The following EXOC6B variants were observed in gnomAD, a reference collection of about 807,000 sequenced individuals.
EXOC6B encodes exocyst complex component 6B, also known as SEC15 homolog B.
Under a neutral mutation model 113.5 loss-of-function variants are expected in EXOC6B, and 54 were observed. The observed-to-expected ratio is 0.48, with a 90% CI of 0.38 to 0.60. The LOEUF (loss-of-function observed/expected upper bound fraction) is 0.60, where lower values mean the gene tolerates loss of function less well. EXOC6B is among the 20% of genes least tolerant of loss of function. The pLI is 0.00. For missense variants in EXOC6B, 797 were observed against 977.5 expected (o/e 0.82, Z 2.46); for synonymous variants, 357 against 339.0 (o/e 1.05, Z -0.58).
chr2:72,595,937 G>A (rs954274664), intron 6 of EXOC6B, among the ~76,000 whole-genome samples: 4 of 152,088 alleles, frequency 2.6e-5, no homozygotes, highest in Admixed American at 1.3e-4. Context: ...AGCCTAGAAA[G>A]ATTCCTGAAC....
chr2:72,264,254 C>T (rs1187466808), intron 20 of EXOC6B, among the ~76,000 whole-genome samples: 1 of 152,066 alleles, frequency 6.6e-6, no homozygotes, highest in Non-Finnish European at 1.5e-5. Context: ...ACACTATTCC[C>T]AACTTTCTTC....
At chr2:72,406,153 C>A (rs185596821) in intron 18 of EXOC6B, among the ~76,000 whole-genome samples, 1 of 152,326 alleles carries the variant, frequency 6.6e-6, no homozygotes, top group African/African-American at 2.4e-5. Context: ...GAAGAGCTCA[C>A]TATCCTAAAT....
chr2:72,803,019 A>C (rs1454703982), intron 1 of EXOC6B, among the ~76,000 whole-genome samples: 1 of 151,904 alleles, frequency 6.6e-6, no homozygotes, highest in Non-Finnish European at 1.5e-5. Flanking sequence ...ACCAATTTAA[A>C]CTCCTCTTGG....
At chr2:72,465,116 A>C (rs1006797461) in intron 18 of EXOC6B, 44 bp downstream of exon 18, 1 of 1,460,264 alleles carries the variant, frequency 6.8e-7, no homozygotes, top group East Asian at 2.5e-5. Context: ...ATTATAAGGA[A>C]ATCTTTTTAT....
At chr2:72,465,470 T>C (rs1448930430) in intron 17 of EXOC6B, 131 bp from the exon 18 acceptor site, 1 of 664,964 alleles carries the variant, frequency 1.5e-6, no homozygotes, top group Admixed American at 3.5e-5. Context: ...GCCATACATA[T>C]CACAGTCTTC....
At chr2:72,718,817 G>C (rs1679807705) in intron 5 of EXOC6B, among the ~76,000 whole-genome samples, 1 of 152,192 alleles carries the variant, frequency 6.6e-6, no homozygotes, top group Non-Finnish European at 1.5e-5. Context: ...GTGCACTCCA[G>C]CCTAGAGGAC....
intron 6 of EXOC6B, among the ~76,000 whole-genome samples, chr2:72,623,294 C>T (rs1671857732): frequency 6.6e-6 from 1 of 152,166 alleles, no homozygotes; most frequent in Non-Finnish European, 1.5e-5. Context: ...ATCTATACCT[C>T]TAACCTAGAA....
At chr2:72,351,806 C>T (rs1229201291) in intron 19 of EXOC6B, among the ~76,000 whole-genome samples, 1 of 152,138 alleles carries the variant, frequency 6.6e-6, no homozygotes, top group Admixed American at 6.5e-5. Context: ...ACTCTCATAA[C>T]ATAAACAGCT....
At chr2:72,510,468 A>G (rs1021733922) in intron 11 of EXOC6B, among the ~76,000 whole-genome samples, 2 of 151,702 alleles carry the variant, frequency 1.3e-5, no homozygotes, top group Admixed American at 1.3e-4. Flanking sequence ...ACAAAACCAA[A>G]AACTTTCTTA....
At chr2:72,720,638 A>G (rs1349026222) in intron 5 of EXOC6B, among the ~76,000 whole-genome samples, 1 of 152,112 alleles carries the variant, frequency 6.6e-6, no homozygotes, top group Non-Finnish European at 1.5e-5. Flanking sequence ...CCGTAGTCCC[A>G]ACTACTTGGG....
chr2:72,706,703 G>A (rs1469420143), intron 6 of EXOC6B, among the ~76,000 whole-genome samples: 1 of 152,068 alleles, frequency 6.6e-6, no homozygotes, highest in Non-Finnish European at 1.5e-5. Flanking sequence ...TTTAGCCTAG[G>A]ACGACATTCA....
chr2:72,401,534 TATATATATATGTGTATATATATA>T (rs1693202623), intron 18 of EXOC6B, among the ~76,000 whole-genome samples: 1 of 32,526 alleles, frequency 3.1e-5, no homozygotes, highest in Non-Finnish European at 4.6e-5. Context: ...CATATATATA[TATATATATATGTGTATATATATA>T]TATATATACA....
intron 6 of EXOC6B, among the ~76,000 whole-genome samples, chr2:72,650,095 A>G (rs1004743641): frequency 3.9e-5 from 6 of 152,316 alleles, no homozygotes; most frequent in Non-Finnish European, 7.3e-5. Flanking sequence ...TGTCAGATCA[A>G]TGCAGCATTA....
At chr2:72,673,560 T>A (rs1023175877) in intron 6 of EXOC6B, among the ~76,000 whole-genome samples, 2 of 152,126 alleles carry the variant, frequency 1.3e-5, no homozygotes, top group Non-Finnish European at 2.9e-5. Flanking sequence ...TTGTCACCCT[T>A]CATTGTTAAA....
rs577558469 is a variant in EXOC6B, at chr2:72,413,053, G to T, written c.1981-33183C>A. Among the ~76,000 whole-genome samples the T allele has an allele frequency of 8.5e-5, 13 of 152,164 alleles. No homozygotes were observed. The East Asian group carries it at 2.1e-3, about 25-fold the overall frequency. ...AGCTCACTGCAGGCTCCGCCTCCCG[G>T]GTTCACGCCATTCTCCTGCCTCAGC... is the stretch of plus-strand genomic sequence containing the variant. On this transcript the variant is annotated intron_variant, in intron 18 of 21. Coordinates refer to ENST00000272427, the MANE Select transcript of EXOC6B (RefSeq NM_015189.3).
chr2:72,605,472 G>A (rs925603641), intron 6 of EXOC6B, among the ~76,000 whole-genome samples: 6 of 151,934 alleles, frequency 3.9e-5, no homozygotes, highest in African/African-American at 1.5e-4. Context: ...TCAGCCCAGA[G>A]GAAAAGCATT....
At position 72,546,420 on chromosome 2, in the gene EXOC6B, C is replaced by T. The variant is rs141973929; in HGVS notation, c.915+13033G>A. ...TGGCGCCATTGCACTCCAGCCTGGG[C>T]GACAGAGCGAGACTCCATCTCCAAA... On this transcript the variant is annotated intron_variant, in intron 8 of 21. Transcript: ENST00000272427. Among the ~76,000 whole-genome samples the T allele has an allele frequency of 4.9e-3, 750 of 151,780 alleles. 11 individuals carry two copies. The highest frequency in any genetic ancestry group is 0.017 in the African/African-American group (697 of 41,396).
intron 19 of EXOC6B, among the ~76,000 whole-genome samples, chr2:72,349,563 C>T (rs1689529882): frequency 6.6e-6 from 1 of 152,156 alleles, no homozygotes; most frequent in African/African-American, 2.4e-5. Context: ...ACTCTGGACA[C>T]TAAAACACAG....
intron 2 of EXOC6B, among the ~76,000 whole-genome samples, chr2:72,739,448 C>T (rs1311433828): frequency 1.3e-5 from 2 of 152,002 alleles, no homozygotes; most frequent in African/African-American, 2.4e-5. Flanking sequence ...ATAAGGATAT[C>T]AACAATTTGC....
Sources: gnomAD v4.1 joint callset for allele counts (sites outside exome capture counted in the v4.1 genomes callset) on GRCh38, gnomAD v4.1.1 for gene constraint, MANE v1.5 for transcripts, NCBI Gene and HGNC (gene_info 2026-07-23, HGNC 2026-07-21) for gene names.